The following ODAD2 variants were observed in gnomAD, a reference collection of about 807,000 sequenced individuals.
ODAD2 encodes outer dynein arm docking complex subunit 2.
Under a neutral mutation model 106.8 loss-of-function variants are expected in ODAD2, and 89 were observed. That is an observed-to-expected ratio of 0.83 (90% CI 0.70 to 0.99). The LOEUF (loss-of-function observed/expected upper bound fraction) is 0.99, where lower values mean the gene tolerates loss of function less well. Among genes scored for constraint, ODAD2 ranks in the 50% least tolerant of loss-of-function variants. ODAD2 has a pLI of 0.00. For synonymous variants in ODAD2, 404 were observed against 436.2 expected, an observed-to-expected ratio of 0.93 and a Z score of 0.92; for missense variants, 1,168 against 1,238.5, an observed-to-expected ratio of 0.94 and a Z score of 0.85.
At chr10:27,881,404 T>C (rs1053911584) in intron 17 of ODAD2, among the ~76,000 whole-genome samples, 2 of 151,904 alleles carry the variant, frequency 1.3e-5, no homozygotes, top group South Asian at 2.1e-4. Context: ...TCCCAGCACA[T>C]TGGGAGGCCA....
intron 19 of ODAD2, among the ~76,000 whole-genome samples, chr10:27,849,460 T>A (rs564224981): frequency 1.3e-5 from 2 of 151,614 alleles, no homozygotes; most frequent in East Asian, 3.9e-4. Context: ...AAATGACGAG[T>A]TAATGGGTGC....
chr10:27,885,006 G>A (rs1246738613), intron 17 of ODAD2, among the ~76,000 whole-genome samples: 4 of 152,036 alleles, frequency 2.6e-5, no homozygotes, highest in Admixed American at 6.6e-5. Context: ...GTTTTCAACA[G>A]AAGATCTGAA....
At chr10:27,905,846 C>A (rs530678234) in intron 17 of ODAD2, among the ~76,000 whole-genome samples, 34 of 152,276 alleles carry the variant, frequency 2.2e-4, no homozygotes, top group Non-Finnish European at 4.0e-4. Flanking sequence ...CTCTTCCTTA[C>A]ACCTTATACA....
intron 6 of ODAD2, 98 bp downstream of exon 6, chr10:27,983,745 A>T: frequency 4.3e-6 from 5 of 1,160,084 alleles, no homozygotes; most frequent in Non-Finnish European, 6.1e-6. Context: ...ACAGAATGGT[A>T]ATTCATTCTC....
chr10:27,969,426 G>C (rs546896740), intron 8 of ODAD2, among the ~76,000 whole-genome samples: 4 of 152,300 alleles, frequency 2.6e-5, no homozygotes, highest in African/African-American at 4.8e-5. Context: ...GGCATTCTGT[G>C]TTCTCCCTTG....
intron 16 of ODAD2, among the ~76,000 whole-genome samples, chr10:27,929,410 G>A (rs180733346): frequency 1.2e-4 from 18 of 152,180 alleles, no homozygotes; most frequent in Middle Eastern, 3.4e-3. Context: ...TTTGTCAGTT[G>A]TATTATTAAA....
chr10:27,992,927 AT>A lies in ODAD2; in HGVS notation c.224+1991del, dbSNP rs899419810. Among the ~76,000 whole-genome samples, 3 of 152,010 alleles carry A rather than the reference AT, an allele frequency of 2.0e-5. 1 individual carries two copies. The highest frequency in any genetic ancestry group is 6.6e-5 in the Admixed American group (1 of 15,258). On this transcript the variant is annotated intron_variant, in intron 2 of 19. Transcript: ENST00000305242. ...AATGCATTTTTATAAAAAAATATTA[AT>A]TTTTTTTGAGATGGAGTTTCTCTGT...
intron 19 of ODAD2, among the ~76,000 whole-genome samples, chr10:27,859,470 A>G (rs1330861888): frequency 2.6e-5 from 4 of 152,200 alleles, no homozygotes; most frequent in African/African-American, 9.7e-5. Context: ...GTATTTTAAG[A>G]GTACTATTCC....
rs143503258 is a variant in ODAD2, at chr10:27,813,884, T to C, written c.3022-1259A>G. Among the ~76,000 whole-genome samples, 616 of 152,230 alleles carry C rather than the reference T, an allele frequency of 4.0e-3. 4 individuals carry two copies. Among genetic ancestry groups the C allele is most frequent in the South Asian group, 0.012 (60 of 4,812 alleles). On this transcript the variant is annotated intron_variant, in intron 19 of 19. Transcript: ENST00000305242. ...GACAGGATGGAATAAAAGGTAAGGA[T>C]AGTGAGGAAGGAACAAATTCAAGCG...
At chr10:27,962,600 T>C (rs1206540320) in intron 9 of ODAD2, among the ~76,000 whole-genome samples, 4 of 152,268 alleles carry the variant, frequency 2.6e-5, no homozygotes, top group Admixed American at 6.5e-5. Context: ...CCACCAACTC[T>C]GAGAGACATT....
At chr10:27,937,084 G>C (rs1018808995) in intron 14 of ODAD2, among the ~76,000 whole-genome samples, 14 of 152,148 alleles carry the variant, frequency 9.2e-5, no homozygotes, top group Non-Finnish European at 1.8e-4. Flanking sequence ...CTTTGGGAAT[G>C]GATAGCAGTT....
chr10:27,957,877 T>C (rs562597140), intron 10 of ODAD2, among the ~76,000 whole-genome samples: 1 of 152,314 alleles, frequency 6.6e-6, no homozygotes, highest in South Asian at 2.1e-4. Context: ...ATCACTCTAC[T>C]TGGAAAATGG....
chr10:27,965,351 T>C (rs567328990), intron 9 of ODAD2, among the ~76,000 whole-genome samples: 1 of 152,302 alleles, frequency 6.6e-6, no homozygotes, highest in East Asian at 1.9e-4. Context: ...ACAGCTGCTG[T>C]CACTGAAAAG....
rs181484327 is a variant in ODAD2 at position 27,995,117 on chromosome 10, G to A, written c.26C>T (p.Thr9Met). 114 of 1,614,062 alleles carry A rather than the reference G, an allele frequency of 7.1e-5. No homozygotes were observed. The East Asian group carries it at 1.5e-3, about 21-fold the overall frequency. The change falls in exon 2 of 20, where the codon ACG becomes ATG. Residue 9 changes from threonine to methionine, a missense_variant. Transcript: ENST00000305242. Reference protein sequence around the residue: MGVALRKLTQWTAAGHGTG... With the variant: MGVALRKLMQWTAAGHGTG... Reference sequence around the variant, plus strand: ...TCCATGTCCGGCAGCAGTCCACTGCGTCAATTTCCTCAGAGCCACACCCAT... The same window carrying A: ...TCCATGTCCGGCAGCAGTCCACTGCATCAATTTCCTCAGAGCCACACCCAT...
rs757380104 is a variant in ODAD2, at chr10:27,963,839, G to A, written c.1239-2124C>T. On this transcript the variant is annotated intron_variant, in intron 9 of 19. Transcript: ENST00000305242. The stretch of plus-strand genomic sequence containing the variant: ...CCATGCATTTGGCCACAAGAGTTCC[G>A]GACAACAGACTGTGGGTTAAATGTC... Among the ~76,000 whole-genome samples, 188 of 152,048 alleles carry A rather than the reference G, an allele frequency of 1.2e-3. 1 individual carries two copies. Among genetic ancestry groups the A allele is most frequent in the Non-Finnish European group, 2.4e-3 (162 of 67,996 alleles).
intron 17 of ODAD2, among the ~76,000 whole-genome samples, chr10:27,873,978 T>C (rs1178897890): frequency 6.6e-6 from 1 of 152,184 alleles, no homozygotes; most frequent in Non-Finnish European, 1.5e-5. Flanking sequence ...CCATTATTAT[T>C]GTGTGGGAGC....
chr10:27,825,974 C>A (rs1837008990), intron 19 of ODAD2, among the ~76,000 whole-genome samples: 1 of 152,206 alleles, frequency 6.6e-6, no homozygotes, highest in Admixed American at 6.5e-5. Flanking sequence ...CCAAGCACCT[C>A]GCCTCTAACT....
At chr10:27,908,958 G>A (rs1350970025) in intron 16 of ODAD2, among the ~76,000 whole-genome samples, 1 of 152,168 alleles carries the variant, frequency 6.6e-6, no homozygotes, top group Non-Finnish European at 1.5e-5. Flanking sequence ...GCTTAAGTAA[G>A]TAGGTTTTCA....
chr10:27,985,072 C>A lies in ODAD2; in HGVS notation c.522G>T (p.Leu174=), dbSNP rs759395361. The change falls in exon 4 of 20, where the codon CTG becomes CTT. Residue 174 remains leucine (L), a synonymous_variant. Transcript: ENST00000305242. ...ESEIKMKIAM[L]LKQLDLHLLN... ...GGAGGTGCAGATCCAATTGCTTAAGCAGCATAGCAATCTTCATCTTAATTT... is the reference window on the plus strand; with the variant it reads ...GGAGGTGCAGATCCAATTGCTTAAGAAGCATAGCAATCTTCATCTTAATTT... The A allele has an allele frequency of 6.2e-7, 1 of 1,608,820 alleles. No homozygotes were observed. Among genetic ancestry groups the A allele is most frequent in the Non-Finnish European group, 8.5e-7 (1 of 1,178,154 alleles).
Sources: allele counts gnomAD v4.1 joint callset (sites outside exome capture counted in the v4.1 genomes callset), GRCh38; gene constraint gnomAD v4.1.1; transcripts MANE v1.5; gene names NCBI Gene and HGNC (gene_info 2026-07-23, HGNC 2026-07-21).